The following NXN variants were observed in gnomAD, a reference collection of about 807,000 sequenced individuals.
The protein encoded by NXN is nucleoredoxin, also known as nucleoredoxin 1.
In NXN, 16 loss-of-function variants were observed where a neutral mutation model predicts 48.6. The ratio of observed to expected loss-of-function variants is 0.33; its 90% CI spans 0.22 to 0.50. The LOEUF is 0.50. NXN is among the 20% of genes least tolerant of loss of function. The pLI is 0.98. For missense variants in NXN, 492 were observed against 605.5 expected (o/e 0.81, Z 1.97); for synonymous variants, 281 against 269.6 (o/e 1.04, Z -0.41).
At chr17:860,114 A>T (rs2068026457) in intron 1 of NXN, among the ~76,000 whole-genome samples, 1 of 149,634 alleles carries the variant, frequency 6.7e-6, no homozygotes, top group Admixed American at 6.6e-5. Flanking sequence ...TAACTTTAAA[A>T]AATTTATTAT....
chr17:853,723 A>ATATATATATT (rs1491528474), intron 1 of NXN, among the ~76,000 whole-genome samples: 5 of 105,976 alleles, frequency 4.7e-5, no homozygotes, highest in African/African-American at 1.3e-4. Context: ...ATATATATAT[A>ATATATATATT]TTTTTTTTTT....
rs73293318 is a variant in NXN at position 887,355 on chromosome 17, G to A, written c.361-61277C>T. Reference sequence around the variant, plus strand: ...GGACAACGTACAGTCACAAGGCAGCGTCCGATTCAGTGAGGGTGACTGGGG... The same window carrying A: ...GGACAACGTACAGTCACAAGGCAGCATCCGATTCAGTGAGGGTGACTGGGG... On this transcript the variant is annotated intron_variant, in intron 1 of 7. Coordinates refer to ENST00000336868, the MANE Select transcript of NXN (RefSeq NM_022463.5). Among the ~76,000 whole-genome samples the A allele has an allele frequency of 5.0e-3, 765 of 152,234 alleles. 13 individuals carry two copies. Among genetic ancestry groups the A allele is most frequent in the African/African-American group, 0.018 (734 of 41,550 alleles).
At chr17:885,350 G>C (rs1597693763) in intron 1 of NXN, among the ~76,000 whole-genome samples, 1 of 151,904 alleles carries the variant, frequency 6.6e-6, no homozygotes, top group Non-Finnish European at 1.5e-5. Context: ...TGGTGCAGGC[G>C]CCCGTCATCC....
Position 925,031 on chromosome 17 carries a change from C to T in NXN, c.360+54288G>A, listed in dbSNP as rs953460460. Reference sequence around the variant, plus strand: ...TTTGGCCCAGGGCCTTGGGAGCAGCCGGCGGATTCAGGTGTAAGAACTAGC... The same window carrying T: ...TTTGGCCCAGGGCCTTGGGAGCAGCTGGCGGATTCAGGTGTAAGAACTAGC... On this transcript the variant is annotated intron_variant, in intron 1 of 7. Transcript: ENST00000336868. 5.9e-5 allele frequency among the ~76,000 whole-genome samples: 9 copies of T among 152,300 alleles called. No homozygotes were observed. The East Asian group carries it at 1.2e-3, about 20-fold the overall frequency.
At position 919,435 on chromosome 17, in the gene NXN, C is replaced by A. The variant is rs1292189228; in HGVS notation, c.360+59884G>T. ...CTTTTATTACAATACTCTGTCAATG[C>A]AGGGCAATCATTCCTTAAGATGCTA... On this transcript the variant is annotated intron_variant, in intron 1 of 7. Transcript: ENST00000336868. This position sits in a 1 kb window ranked among gnomAD's most constrained non-coding sequence, Gnocchi z 5.1. Among the ~76,000 whole-genome samples, 2 of 152,102 alleles carry A rather than the reference C, an allele frequency of 1.3e-5. No individual in the cohort carries two copies. The highest frequency in any genetic ancestry group is 2.9e-5 in the Non-Finnish European group (2 of 68,028).
chr17:841,529 C>CCACGGCG (rs1914258138), intron 1 of NXN, among the ~76,000 whole-genome samples: 2 of 68,102 alleles, frequency 2.9e-5, no homozygotes, highest in African/African-American at 4.7e-5. Flanking sequence ...GTCCCCCCGA[C>CCACGGCG]CATGGAGCAT....
At chr17:913,084 G>T (rs957846166) in intron 1 of NXN, among the ~76,000 whole-genome samples, 1 of 152,106 alleles carries the variant, frequency 6.6e-6, no homozygotes, top group African/African-American at 2.4e-5. Context: ...CTGGTATTTT[G>T]GACCATATAG....
chr17:806,301 GCCGTCTGCACCCCAGCTCCCCC>G (rs2144574106), intron 5 of NXN, among the ~76,000 whole-genome samples: 1 of 131,004 alleles, frequency 7.6e-6, no homozygotes, highest in African/African-American at 2.8e-5. Flanking sequence ...TGCAGCCCCC[GCCGTCTGCACCCCAGCTCCCCC>G]CTTCCCCAGG....
chr17:807,649 C>T (rs551783016), intron 5 of NXN, among the ~76,000 whole-genome samples: 9 of 152,318 alleles, frequency 5.9e-5, no homozygotes, highest in South Asian at 4.1e-4. Flanking sequence ...CGAGGTGTGC[C>T]GGGACGGGCC....
chr17:863,040 G>T (rs2068056772), intron 1 of NXN, among the ~76,000 whole-genome samples: 1 of 152,168 alleles, frequency 6.6e-6, no homozygotes, highest in Non-Finnish European at 1.5e-5. Flanking sequence ...ATACTCAGGG[G>T]ATTGGTTCTG....
chr17:976,189 CT>C (rs71371601), intron 1 of NXN, among the ~76,000 whole-genome samples: 5,206 of 147,066 alleles, frequency 0.035, 257 homozygotes, highest in African/African-American at 0.11. Context: ...CATTTTTGTC[CT>C]TTTTTTTTTT....
At chr17:833,186 C>A (rs567974046) in intron 1 of NXN, among the ~76,000 whole-genome samples, 3 of 152,124 alleles carry the variant, frequency 2.0e-5, no homozygotes, top group African/African-American at 7.2e-5. Context: ...CCACCGCACC[C>A]GGCCGAAAAG....
At position 839,797 on chromosome 17, in the gene NXN, T is replaced by TAAAAAAAAAAAAAAA. The variant is rs553678056; in HGVS notation, c.361-13734_361-13720dup. Among the ~76,000 whole-genome samples the TAAAAAAAAAAAAAAA allele has an allele frequency of 6.8e-4, 39 of 57,246 alleles. 2 individuals carry two copies. The highest frequency in any genetic ancestry group is 2.2e-3 in the African/African-American group (24 of 11,152). The allele number at this position is 57,246 out of a possible 152,430, so 37.6% of individuals were successfully genotyped here. A position where few individuals can be genotyped will look rare whatever the true frequency, so the allele number is the denominator to read the frequency against. ...CAGCCTGGCGACAGAGAGACCTTGTTAAAAAAAAAAAAAAAAAGGCCAGGC... is the reference window on the plus strand; with the variant it reads ...CAGCCTGGCGACAGAGAGACCTTGTTAAAAAAAAAAAAAAAAAAAAAAAAAAAAAAAAGGCCAGGC... On this transcript the variant is annotated intron_variant, in intron 1 of 7. Transcript: ENST00000336868.
intron 1 of NXN, among the ~76,000 whole-genome samples, chr17:916,283 G>T (rs2068688111): frequency 6.6e-6 from 1 of 152,074 alleles, no homozygotes; most frequent in African/African-American, 2.4e-5. Flanking sequence ...AGGTTCCCGT[G>T]GTGCAGGATC....
At chr17:815,174 C>A (rs1336914178) in intron 5 of NXN, among the ~76,000 whole-genome samples, 1 of 152,228 alleles carries the variant, frequency 6.6e-6, no homozygotes, top group African/African-American at 2.4e-5. Context: ...GCCTGCCACC[C>A]GGTAGGTTTT....
At chr17:888,090 G>A (rs996122523) in intron 1 of NXN, among the ~76,000 whole-genome samples, 27 of 152,248 alleles carry the variant, frequency 1.8e-4, no homozygotes, top group South Asian at 1.4e-3. Flanking sequence ...CATACGACAC[G>A]GATGGGGCGC....
chr17:939,956 AT>A (rs58432448), intron 1 of NXN, among the ~76,000 whole-genome samples: 138,283 of 148,592 alleles, frequency 0.93, 64,882 homozygotes, highest in Non-Finnish European at 1. Context: ...TTTTTTTCTT[AT>A]TTTTTTTTTG....
At chr17:904,993 G>A (rs920173014) in intron 1 of NXN, among the ~76,000 whole-genome samples, 1 of 152,148 alleles carries the variant, frequency 6.6e-6, no homozygotes, top group Non-Finnish European at 1.5e-5. Flanking sequence ...ACAAGCGTGT[G>A]TGCCACATTC....
At chr17:857,379 G>A (rs2144767977) in intron 1 of NXN, among the ~76,000 whole-genome samples, 1 of 152,242 alleles carries the variant, frequency 6.6e-6, no homozygotes, top group Admixed American at 6.5e-5. Flanking sequence ...TCCTGCCTCA[G>A]CCTACCGAGT....
Sources: allele counts gnomAD v4.1 joint callset (sites outside exome capture counted in the v4.1 genomes callset), GRCh38; gene constraint gnomAD v4.1.1; non-coding constraint Gnocchi (gnomAD v3.1); transcripts MANE v1.5; gene names NCBI Gene and HGNC (gene_info 2026-07-23, HGNC 2026-07-21).